Variants in GALNT2 observed in about 807,000 individuals in gnomAD.
GALNT2 encodes polypeptide N-acetylgalactosaminyltransferase 2.
A neutral mutation model predicts 81.4 loss-of-function variants in GALNT2; 31 were observed. The ratio of observed to expected loss-of-function variants is 0.38; its 90% confidence interval spans 0.29 to 0.51. GALNT2 has a LOEUF of 0.51. GALNT2 is among the 20% of genes least tolerant of loss of function. GALNT2 has a pLI of 0.87. For missense variants in GALNT2, 629 were observed against 765.7 expected, an observed-to-expected ratio of 0.82 and a Z score of 2.11; for synonymous variants, 303 against 287.4, an observed-to-expected ratio of 1.05 and a Z score of -0.55.
Position 230,115,046 on chromosome 1 carries a change from C to A in GALNT2, c.126+47640C>A, listed in dbSNP as rs368523045. Among the ~76,000 whole-genome samples, 19 of 145,054 alleles carry A rather than the reference C, an allele frequency of 1.3e-4. No homozygotes were observed. In the East Asian group the frequency reaches 3.7e-3, roughly 28 times the overall value. On this transcript the variant is annotated intron_variant, in intron 1 of 15. Transcript: ENST00000366672. ...TTTAAGATGGAGTCTCACTCTGTCA[C>A]CCAGGCTGGAGTGCAGTGGCATGAT...
At position 230,236,128 on chromosome 1, in the gene GALNT2, G is replaced by A. The variant is rs1433516507; in HGVS notation, c.473+16G>A. The A allele has an allele frequency of 1.2e-6, 2 of 1,610,132 alleles. No individual in the cohort carries two copies. The highest frequency in any genetic ancestry group is 8.5e-7 in the Non-Finnish European group (1 of 1,176,636). On this transcript the variant is annotated intron_variant, in intron 4 of 15. Coordinates refer to ENST00000366672, the MANE Select transcript of GALNT2 (RefSeq NM_004481.5). ...CCGTGGTCAGGTGAGGCCAGGAGAT[G>A]CATTACCTGTCAGGGGTGTTAAGAC...
At chr1:230,252,733 T>A (rs761378319) in intron 10 of GALNT2, among the ~76,000 whole-genome samples, 18 of 152,138 alleles carry the variant, frequency 1.2e-4, no homozygotes, top group Non-Finnish European at 2.2e-4. Flanking sequence ...CCTTGTTGGC[T>A]TAACAGATTC....
intron 10 of GALNT2, among the ~76,000 whole-genome samples, chr1:230,253,176 G>A (rs1665603632): frequency 6.6e-6 from 1 of 152,172 alleles, no homozygotes; most frequent in Non-Finnish European, 1.5e-5. Context: ...GTTGGGAACT[G>A]TAAAAAGTAA....
chr1:230,184,480 C>T (rs368179330), intron 2 of GALNT2, among the ~76,000 whole-genome samples: 4 of 152,024 alleles, frequency 2.6e-5, no homozygotes, highest in East Asian at 1.9e-4. Context: ...TGAGCCACCG[C>T]GCCTGGCCTG....
At chr1:230,085,763 C>T (rs1452252659) in intron 1 of GALNT2, among the ~76,000 whole-genome samples, 1 of 152,218 alleles carries the variant, frequency 6.6e-6, no homozygotes, top group Non-Finnish European at 1.5e-5. Context: ...CATTTTGGAT[C>T]TTCTGGAGCT....
intron 1 of GALNT2, among the ~76,000 whole-genome samples, chr1:230,112,013 T>C (rs539367605): frequency 5.8e-4 from 88 of 152,178 alleles, no homozygotes; most frequent in African/African-American, 2.0e-3. Context: ...AAAAGGGAAT[T>C]TATTGTGGGG....
chr1:230,163,574 A>G (rs901019971), intron 1 of GALNT2, among the ~76,000 whole-genome samples: 1 of 152,224 alleles, frequency 6.6e-6, no homozygotes, highest in Non-Finnish European at 1.5e-5. Context: ...TCCACATCAC[A>G]GTGGATAGAA....
At chr1:230,274,585 T>G (rs1666236091) in intron 15 of GALNT2, 21 bp downstream of exon 15, 1 of 1,612,932 alleles carries the variant, frequency 6.2e-7, no homozygotes, top group Admixed American at 1.7e-5. Context: ...CAGGCACCCG[T>G]GGGTGCCCGT....
At position 230,203,196 on chromosome 1, in the gene GALNT2, T is replaced by C. The variant is rs1157676039; in HGVS notation, c.280T>C (p.Ser94Pro). The part of the protein sequence containing the change: ...EAYVGGTMVR[S>P]GQDPYARNKF... ...TTATGTTGGAGGGACGATGGTCCGCTCCGGGCAGGACCCTTACGCCCGCAA... is the reference window on the plus strand; with the variant it reads ...TTATGTTGGAGGGACGATGGTCCGCCCCGGGCAGGACCCTTACGCCCGCAA... The change falls in exon 3 of 16, where the codon TCC (serine) becomes CCC (proline). Residue 94 changes from serine (S) to proline (P), a missense_variant. Transcript: ENST00000366672. 1.9e-6 allele frequency: 3 copies of C among 1,614,178 alleles called. No homozygotes were observed. Among genetic ancestry groups the C allele is most frequent in the Non-Finnish European group, 2.5e-6 (3 of 1,180,028 alleles).
At position 230,196,029 on chromosome 1, in the gene GALNT2, G is replaced by A. The variant is rs1385108501; in HGVS notation, c.221-7108G>A. ...CTGTCTGAGCATCCTTCGTTCCACA[G>A]CCAGAGGCACATTCCTGGAGTGCAA... On this transcript the variant is annotated intron_variant, in intron 2 of 15. Coordinates refer to ENST00000366672, the MANE Select transcript of GALNT2 (RefSeq NM_004481.5). 2.0e-5 allele frequency among the ~76,000 whole-genome samples: 3 copies of A among 152,206 alleles called. No individual in the cohort carries two copies. In the East Asian group the frequency reaches 5.8e-4, roughly 29 times the overall value.
chr1:230,095,458 C>T (rs1368328634), intron 1 of GALNT2, among the ~76,000 whole-genome samples: 8 of 152,172 alleles, frequency 5.3e-5, no homozygotes, highest in African/African-American at 7.2e-5. Context: ...CCCACCCCTG[C>T]GGGCTCCTCA....
At chr1:230,250,686 A>T in intron 10 of GALNT2, 126 bp downstream of exon 10, 1 of 626,966 alleles carries the variant, frequency 1.6e-6, no homozygotes. Flanking sequence ...CGATCCTTGC[A>T]AACACATATG....
At chr1:230,184,755 T>A (rs1172626599) in intron 2 of GALNT2, among the ~76,000 whole-genome samples, 1 of 152,200 alleles carries the variant, frequency 6.6e-6, no homozygotes, top group Non-Finnish European at 1.5e-5. Flanking sequence ...CTAAGTTTCC[T>A]TAATTTGCGT....
At chr1:230,183,741 G>A (rs1285264439) in intron 2 of GALNT2, among the ~76,000 whole-genome samples, 1 of 152,174 alleles carries the variant, frequency 6.6e-6, no homozygotes, top group Non-Finnish European at 1.5e-5. Context: ...ACTTTGGGAG[G>A]CCGAGGCAGG....
intron 1 of GALNT2, among the ~76,000 whole-genome samples, chr1:230,089,151 C>CTTTT (rs112182659): frequency 5.7e-5 from 8 of 141,120 alleles, no homozygotes; most frequent in Non-Finnish European, 6.2e-5. Context: ...TTCTTTCTTT[C>CTTTT]TTTTTTTTTT....
rs1663591206 is a variant in GALNT2, at chr1:230,193,465, GTGTGCTGGGGTTTGCATGCGCCTCTC to G, written c.221-9660_221-9635del. On this transcript the variant is annotated intron_variant, in intron 2 of 15. Coordinates refer to ENST00000366672, the MANE Select transcript of GALNT2 (RefSeq NM_004481.5). The surrounding 1 kb of genome is among the most constrained non-coding windows in gnomAD (Gnocchi z 4.3). The stretch of plus-strand genomic sequence containing the variant: ...TGCATGTGCCTGTGCGTGAGCCTCT[GTGTGCTGGGGTTTGCATGCGCCTCTC>G]TGTGCTGGGGTGTGCGTGCGCCTCT... 6.6e-6 allele frequency among the ~76,000 whole-genome samples: 1 copy of G among 152,126 alleles called. No homozygotes were observed. The highest frequency in any genetic ancestry group is 2.4e-5 in the African/African-American group (1 of 41,418).
chr1:230,070,004 G>A lies in GALNT2; in HGVS notation c.126+2598G>A, dbSNP rs556567810. Among the ~76,000 whole-genome samples, 1 of 152,280 alleles carries A rather than the reference G, an allele frequency of 6.6e-6. No individual in the cohort carries two copies. The highest frequency in any genetic ancestry group is 1.9e-4 in the East Asian group (1 of 5,176). ...AGCAGCCCAGCCCAGGCTTGTCATT[G>A]TGTGCCCTGCCTGTTAAGTAACTCA... On this transcript the variant is annotated intron_variant, in intron 1 of 15. Transcript: ENST00000366672. The surrounding 1 kb of genome is among the most constrained non-coding windows in gnomAD (Gnocchi z 4.7).
intron 1 of GALNT2, among the ~76,000 whole-genome samples, chr1:230,061,248 A>G (rs1265821313): frequency 6.6e-6 from 1 of 151,672 alleles, no homozygotes; most frequent in African/African-American, 2.4e-5. Flanking sequence ...ATGAGTTCAT[A>G]CCGCTATCTC....
chr1:230,071,204 C>CT (rs1226291324), intron 1 of GALNT2, among the ~76,000 whole-genome samples: 2 of 152,056 alleles, frequency 1.3e-5, no homozygotes, highest in South Asian at 2.1e-4. Context: ...AGTCGTCTTT[C>CT]TTTTTTTTAT....
Sources: gnomAD v4.1 joint callset for allele counts (sites outside exome capture counted in the v4.1 genomes callset) on GRCh38, gnomAD v4.1.1 for gene constraint, Gnocchi (gnomAD v3.1) non-coding constraint, MANE v1.5 for transcripts, NCBI Gene and HGNC (gene_info 2026-07-23, HGNC 2026-07-21) for gene names.